GFRA1: variants seen among roughly 807,000 people sequenced by gnomAD.
GFRA1 encodes GDNF family receptor alpha 1.
A neutral mutation model predicts 51.6 loss-of-function variants in GFRA1; 16 were observed. That is an observed-to-expected ratio of 0.31 (90% CI 0.21 to 0.47). The LOEUF is 0.47. Ranked by LOEUF, GFRA1 falls within the 20% of genes least tolerant of loss-of-function variation. GFRA1 has a pLI of 1.00. For synonymous variants in GFRA1, 270 were observed against 241.3 expected, an observed-to-expected ratio of 1.12 and a Z score of -1.10; for missense variants, 530 against 594.3, an observed-to-expected ratio of 0.89 and a Z score of 1.13.
intron 4 of GFRA1, among the ~76,000 whole-genome samples, chr10:116,248,956 G>C (rs982724788): frequency 6.6e-6 from 1 of 152,094 alleles, no homozygotes; most frequent in Non-Finnish European, 1.5e-5. Flanking sequence ...GCCAGCTCCA[G>C]GGCTGCCACA....
intron 6 of GFRA1, among the ~76,000 whole-genome samples, chr10:116,105,041 T>G (rs767310850): frequency 2.4e-4 from 37 of 152,180 alleles, no homozygotes; most frequent in Non-Finnish European, 4.9e-4. Context: ...TTGTTTTATA[T>G]TACCCATACT....
intron 9 of GFRA1, among the ~76,000 whole-genome samples, chr10:116,073,124 T>TCAA (rs1366155024): frequency 2.0e-5 from 3 of 152,170 alleles, no homozygotes; most frequent in African/African-American, 7.2e-5. Flanking sequence ...GTAAGATATA[T>TCAA]CAACAGTCCT....
Position 116,272,930 on chromosome 10 carries a change from A to C in GFRA1, c.-247+233T>G, listed in dbSNP as rs1392988700. ...CCTCTCACACTCTCGCCCGGTGCCC[A>C]GGACTCGGGCGCTTCCGCACCCCAG... On this transcript the variant is annotated intron_variant, in intron 1 of 10. Coordinates refer to ENST00000355422, the MANE Select transcript of GFRA1 (RefSeq NM_005264.8). This position sits in a 1 kb window ranked among gnomAD's most constrained non-coding sequence, Gnocchi z 4.4. 6.6e-6 allele frequency: 1 copy of C among 152,004 alleles called. No individual in the cohort carries two copies. The highest frequency in any genetic ancestry group is 2.4e-5 in the African/African-American group (1 of 41,398). 9.4% of individuals were successfully genotyped at this position (152,004 alleles called of 1,614,324 possible).
chr10:116,150,430 G>A (rs190791665), intron 5 of GFRA1, among the ~76,000 whole-genome samples: 48 of 152,286 alleles, frequency 3.2e-4, no homozygotes, highest in African/African-American at 1.1e-3. Flanking sequence ...TCTCTTAGGT[G>A]GGAGTCATGG....
intron 5 of GFRA1, among the ~76,000 whole-genome samples, chr10:116,191,783 T>C (rs1963286528): frequency 6.6e-6 from 1 of 152,194 alleles, no homozygotes; most frequent in Admixed American, 6.5e-5. Flanking sequence ...TCCCAGCACT[T>C]TGGGAGGCCA....
In GFRA1 at chr10:116,243,155, T is replaced by C. The variant is rs745914480; in HGVS notation, c.418+26348A>G. ...GAATATATTCTCCAGCTATAGAATA[T>C]ATTCAAATATTTGTATCACAAAGGA... On this transcript the variant is annotated intron_variant, in intron 4 of 10. Coordinates refer to ENST00000355422, the MANE Select transcript of GFRA1 (RefSeq NM_005264.8). Among the ~76,000 whole-genome samples the C allele has an allele frequency of 3.9e-5, 6 of 152,232 alleles. No homozygotes were observed. The South Asian group carries it at 1.2e-3, about 31-fold the overall frequency.
intron 5 of GFRA1, among the ~76,000 whole-genome samples, chr10:116,187,476 T>C (rs564621840): frequency 3.5e-4 from 54 of 152,262 alleles, no homozygotes; most frequent in Non-Finnish European, 4.4e-4. Context: ...GTTCTAATTC[T>C]CCAGGCTTGA....
intron 5 of GFRA1, among the ~76,000 whole-genome samples, chr10:116,188,974 G>A (rs1446320814): frequency 6.6e-6 from 1 of 151,690 alleles, no homozygotes; most frequent in Non-Finnish European, 1.5e-5. Context: ...TAAGGGTGGG[G>A]GCAGGCATGG....
chr10:116,199,361 G>A (rs1006599003), intron 5 of GFRA1, among the ~76,000 whole-genome samples: 2 of 152,098 alleles, frequency 1.3e-5, no homozygotes, highest in African/African-American at 2.4e-5. Flanking sequence ...ACAGACCTCT[G>A]CATTTATCCC....
At chr10:116,091,434 G>T (rs902109719) in intron 8 of GFRA1, among the ~76,000 whole-genome samples, 1 of 152,208 alleles carries the variant, frequency 6.6e-6, no homozygotes, top group Non-Finnish European at 1.5e-5. Flanking sequence ...CAGAGGCATT[G>T]ACTGGGGAGA....
intron 5 of GFRA1, among the ~76,000 whole-genome samples, chr10:116,163,623 C>A (rs1019301343): frequency 2.0e-5 from 3 of 152,218 alleles, no homozygotes; most frequent in African/African-American, 7.2e-5. Flanking sequence ...GTGGTCACTC[C>A]CCCAGCATGG....
chr10:116,194,050 ATAAAT>A lies in GFRA1; in HGVS notation c.433+17576_433+17580del, dbSNP rs1565641198. Among the ~76,000 whole-genome samples the A allele has an allele frequency of 1.1e-3, 111 of 101,114 alleles. 1 individual carries two copies. Among genetic ancestry groups the A allele is most frequent in the African/African-American group, 3.6e-3 (91 of 25,402 alleles). The allele number at this position is 101,114 out of a possible 152,430, so 66.3% of individuals were successfully genotyped here. A position where few individuals can be genotyped will look rare whatever the true frequency, so the allele number is the denominator to read the frequency against. Reference sequence around the variant, plus strand: ...GGAGACTCCGTCTCAATAAAAAAAAATAAATAAATAAAATTTAAAAAAAAAAAAAA... The same window carrying A: ...GGAGACTCCGTCTCAATAAAAAAAAAAAATAAAATTTAAAAAAAAAAAAAA... On this transcript the variant is annotated intron_variant, in intron 5 of 10. Coordinates refer to ENST00000355422, the MANE Select transcript of GFRA1 (RefSeq NM_005264.8).
At chr10:116,232,663 G>A (rs1966756939) in intron 4 of GFRA1, among the ~76,000 whole-genome samples, 1 of 152,140 alleles carries the variant, frequency 6.6e-6, no homozygotes, top group South Asian at 2.1e-4. Context: ...TTTACAGCTT[G>A]TTCTGAAGTT....
At chr10:116,221,347 A>T (rs1210562302) in intron 4 of GFRA1, among the ~76,000 whole-genome samples, 6 of 152,182 alleles carry the variant, frequency 3.9e-5, no homozygotes, top group African/African-American at 1.4e-4. Flanking sequence ...CCATTGATAG[A>T]CGTGTGGAAG....
intron 4 of GFRA1, among the ~76,000 whole-genome samples, chr10:116,265,012 AAAT>A (rs1435643831): frequency 6.6e-6 from 1 of 152,218 alleles, no homozygotes; most frequent in Non-Finnish European, 1.5e-5. Flanking sequence ...ACTTTTTAAA[AAAT>A]AATGACTTAA....
chr10:116,099,700 T>C (rs1382177950), intron 6 of GFRA1, among the ~76,000 whole-genome samples: 1 of 152,202 alleles, frequency 6.6e-6, no homozygotes, highest in Non-Finnish European at 1.5e-5. Flanking sequence ...TCAAGTGCCA[T>C]GATATAATGA....
intron 6 of GFRA1, among the ~76,000 whole-genome samples, chr10:116,112,942 C>T (rs1316960136): frequency 6.6e-6 from 1 of 152,174 alleles, no homozygotes; most frequent in African/African-American, 2.4e-5. Context: ...ACCTCAGGAG[C>T]GCTGGTGCAC....
chr10:116,119,715 G>A (rs1309101803), intron 6 of GFRA1, among the ~76,000 whole-genome samples: 1 of 152,200 alleles, frequency 6.6e-6, no homozygotes, highest in African/African-American at 2.4e-5. Flanking sequence ...TGATCTCTAA[G>A]ATCCACAGTT....
chr10:116,165,665 T>TCTCACACACACACACA (rs144455312), intron 5 of GFRA1, among the ~76,000 whole-genome samples: 39 of 149,556 alleles, frequency 2.6e-4, no homozygotes, highest in African/African-American at 9.2e-4. Flanking sequence ...TCTCTCACTC[T>TCTCACACACACACACA]CACACACACA....
Sources: gnomAD v4.1 joint callset for allele counts (sites outside exome capture counted in the v4.1 genomes callset) on GRCh38, gnomAD v4.1.1 for gene constraint, Gnocchi (gnomAD v3.1) non-coding constraint, MANE v1.5 for transcripts, NCBI Gene and HGNC (gene_info 2026-07-23, HGNC 2026-07-21) for gene names.